Variants in IL1RAP observed in about 807,000 individuals in gnomAD.
IL1RAP encodes interleukin-1 receptor accessory protein.
In IL1RAP, 35 loss-of-function variants were observed where a neutral mutation model predicts 60.7. That is an observed-to-expected ratio of 0.58 (90% CI 0.44 to 0.76). The LOEUF is 0.76. IL1RAP is among the 30% of genes least tolerant of loss of function. The pLI, the probability that IL1RAP is intolerant of heterozygous loss-of-function variation, is 0.00. For missense variants in IL1RAP, 572 were observed against 693.9 expected (o/e 0.82, Z 1.97); for synonymous variants, 268 against 250.9 (o/e 1.07, Z -0.64).
At chr3:190,621,478 A>AT (rs1336023156) in intron 6 of IL1RAP, among the ~76,000 whole-genome samples, 2 of 152,280 alleles carry the variant, frequency 1.3e-5, no homozygotes, top group Non-Finnish European at 2.9e-5. Context: ...GTAACCTTAT[A>AT]TTCATCTTAG....
At chr3:190,560,735 G>A (rs1234364286) in intron 2 of IL1RAP, among the ~76,000 whole-genome samples, 1 of 152,196 alleles carries the variant, frequency 6.6e-6, no homozygotes, top group East Asian at 1.9e-4. Context: ...GAGTGATGCA[G>A]ATAAGGAGAT....
At chr3:190,607,156 A>T (rs958619548) in intron 4 of IL1RAP, among the ~76,000 whole-genome samples, 4 of 152,022 alleles carry the variant, frequency 2.6e-5, no homozygotes, top group African/African-American at 9.7e-5. Context: ...CCCTTCCACT[A>T]TATTTAGTCT....
intron 1 of IL1RAP, among the ~76,000 whole-genome samples, chr3:190,516,761 A>G (rs148646341): frequency 1.5e-3 from 223 of 152,346 alleles, no homozygotes; most frequent in African/African-American, 5.0e-3. Context: ...AAAAATCTGT[A>G]TAACGAATAA....
At chr3:190,613,362 G>A (rs1730986466) in intron 5 of IL1RAP, among the ~76,000 whole-genome samples, 1 of 152,048 alleles carries the variant, frequency 6.6e-6, no homozygotes, top group Non-Finnish European at 1.5e-5. Context: ...GGGTGGCAGT[G>A]ACTAGCAGGT....
At chr3:190,537,397 C>A (rs968261379) in intron 1 of IL1RAP, among the ~76,000 whole-genome samples, 9 of 152,092 alleles carry the variant, frequency 5.9e-5, no homozygotes, top group African/African-American at 9.7e-5. Context: ...ACTCTTATAG[C>A]CTCATCTGGT....
At chr3:190,522,302 C>CTTCT (rs749393281) in intron 1 of IL1RAP, among the ~76,000 whole-genome samples, 10 of 97,888 alleles carry the variant, frequency 1.0e-4, no homozygotes, top group African/African-American at 8.8e-4. Context: ...TCCTTCCTTC[C>CTTCT]TTCCTTCCTT....
At chr3:190,596,174 A>AT (rs960616153) in intron 3 of IL1RAP, among the ~76,000 whole-genome samples, 5 of 152,290 alleles carry the variant, frequency 3.3e-5, no homozygotes, top group Admixed American at 6.5e-5. Context: ...GAGTTTCCTG[A>AT]TTTTTTATAC....
At chr3:190,586,138 C>T (rs974207269) in intron 3 of IL1RAP, among the ~76,000 whole-genome samples, 17 of 152,114 alleles carry the variant, frequency 1.1e-4, no homozygotes, top group Admixed American at 9.8e-4. Context: ...TCTTGAAGTC[C>T]GAATTAAAAG....
rs143154853 is a variant in IL1RAP at position 190,547,624 on chromosome 3, C to T, written c.-88-8506C>T. On this transcript the variant is annotated intron_variant, in intron 1 of 11. Coordinates refer to ENST00000447382, the MANE Select transcript of IL1RAP (RefSeq NM_002182.4). ...TGGAGCAGTGAGGATGCATAATAGG[C>T]TGTTTTCTCCTATAGGCTGAGAATA... Among the ~76,000 whole-genome samples, 7 of 152,246 alleles carry T rather than the reference C, an allele frequency of 4.6e-5. No homozygotes were observed. The East Asian group carries it at 1.4e-3, about 29-fold the overall frequency.
At chr3:190,584,826 A>G (rs1728309169) in intron 3 of IL1RAP, among the ~76,000 whole-genome samples, 1 of 152,188 alleles carries the variant, frequency 6.6e-6, no homozygotes, top group African/African-American at 2.4e-5. Context: ...TCTTGCTCCC[A>G]GGCCCATCAC....
chr3:190,572,572 G>A (rs988115824), intron 3 of IL1RAP, among the ~76,000 whole-genome samples: 7 of 152,014 alleles, frequency 4.6e-5, no homozygotes, highest in African/African-American at 1.7e-4. Flanking sequence ...ATGTAAACCC[G>A]GCTATATACT....
intron 5 of IL1RAP, among the ~76,000 whole-genome samples, chr3:190,610,388 A>G (rs931049105): frequency 6.6e-6 from 1 of 152,064 alleles, no homozygotes; most frequent in South Asian, 2.1e-4. Flanking sequence ...ATATAACTCC[A>G]TACAAACTTA....
chr3:190,576,964 G>A lies in IL1RAP; in HGVS notation c.64+12611G>A, dbSNP rs369040256. Among the ~76,000 whole-genome samples the A allele has an allele frequency of 2.7e-3, 416 of 152,146 alleles. 3 individuals are homozygous for A. The highest frequency in any genetic ancestry group is 9.4e-3 in the African/African-American group (392 of 41,520). On this transcript the variant is annotated intron_variant, in intron 3 of 11. Coordinates refer to ENST00000447382, the MANE Select transcript of IL1RAP (RefSeq NM_002182.4). ...AAAATACAAAAAATTAGCCGGGCGC[G>A]GTGGCGGGCGCCTGTAGTCCCAGCT... is the stretch of plus-strand genomic sequence containing the variant.
At chr3:190,623,861 T>C (rs1364426844) in intron 7 of IL1RAP, among the ~76,000 whole-genome samples, 1 of 152,258 alleles carries the variant, frequency 6.6e-6, no homozygotes, top group Non-Finnish European at 1.5e-5. Context: ...CAGAACACTA[T>C]TGAATGCTTA....
chr3:190,636,777 C>T (rs1227204561), intron 9 of IL1RAP, among the ~76,000 whole-genome samples: 1 of 152,020 alleles, frequency 6.6e-6, no homozygotes, highest in Non-Finnish European at 1.5e-5. Flanking sequence ...TGGCTTTTAA[C>T]TTGAATGTTT....
intron 1 of IL1RAP, chr3:190,518,421 CT>C (rs1468402621): frequency 6.6e-6 from 1 of 152,190 alleles, no homozygotes; most frequent in African/African-American, 2.4e-5. Context: ...AACAGGTACT[CT>C]TTACTTGTCT....
intron 1 of IL1RAP, among the ~76,000 whole-genome samples, chr3:190,552,766 G>A (rs929564371): frequency 6.6e-6 from 1 of 152,058 alleles, no homozygotes; most frequent in Non-Finnish European, 1.5e-5. Context: ...CATTAAAAGT[G>A]GTGAGGCAAA....
At chr3:190,601,679 AC>A (rs1197934411) in intron 3 of IL1RAP, among the ~76,000 whole-genome samples, 5 of 152,166 alleles carry the variant, frequency 3.3e-5, no homozygotes, top group Admixed American at 3.3e-4. Context: ...AAATGACCAA[AC>A]TTCATTTTAT....
intron 5 of IL1RAP, chr3:190,615,346 A>T: frequency 8.0e-7 from 1 of 1,252,204 alleles, no homozygotes; most frequent in Non-Finnish European, 1.0e-6. Context: ...TATAGAAGTA[A>T]AGACACAGGT....
Sources: allele counts gnomAD v4.1 joint callset (sites outside exome capture counted in the v4.1 genomes callset), GRCh38; gene constraint gnomAD v4.1.1; transcripts MANE v1.5; gene names NCBI Gene and HGNC (gene_info 2026-07-23, HGNC 2026-07-21).